Variants in CRYBG3 observed in about 807,000 individuals in gnomAD.
The protein encoded by CRYBG3 is very large A-kinase anchor protein.
Under a neutral mutation model 244.2 loss-of-function variants are expected in CRYBG3, and 127 were observed. The observed-to-expected ratio is 0.52, with a 90% CI of 0.45 to 0.60. The LOEUF is 0.60. Ranked by LOEUF, CRYBG3 falls within the 20% of genes least tolerant of loss-of-function variation. The probability of loss-of-function intolerance (pLI) is 0.00; values close to 1 mark genes in which losing one functional copy is unlikely to be tolerated. For missense variants in CRYBG3, 3,325 were observed against 3,442.5 expected, an observed-to-expected ratio of 0.97 and a Z score of 0.85; for synonymous variants, 1,132 against 1,195.8, an observed-to-expected ratio of 0.95 and a Z score of 1.10.
rs1466861926 is a variant in CRYBG3 at position 97,875,657 on chromosome 3, C to T, written c.4463C>T (p.Ala1488Val). ...WPPLVNDDIHAPGTSKSSLSD... is the reference protein window; with the variant it reads ...WPPLVNDDIHVPGTSKSSLSD... ...CCACTTGTGAATGATGACATCCATG[C>T]ACCTGGTACATCTAAAAGCAGTTTG... is the stretch of plus-strand genomic sequence containing the variant. Residue 1488 changes from alanine (A) to valine (V), a missense_variant, in exon 4 of 22, where the codon GCA (alanine) becomes GTA (valine). Physicochemically the swap from Ala to Val is moderately conservative, Grantham distance 64. Transcript: ENST00000389622. 2.4e-6 allele frequency: 3 copies of T among 1,233,800 alleles called. No individual in the cohort carries two copies. Among genetic ancestry groups the T allele is most frequent in the African/African-American group, 1.6e-5 (1 of 64,396 alleles). 76.4% of individuals were successfully genotyped at this position (1,233,800 alleles called of 1,614,324 possible). A position where few individuals can be genotyped will look rare whatever the true frequency, so the allele number is the denominator to read the frequency against.
chr3:97,878,426 AAAG>A (rs1260771543), intron 4 of CRYBG3, among the ~76,000 whole-genome samples: 2 of 152,182 alleles, frequency 1.3e-5, no homozygotes, highest in Non-Finnish European at 2.9e-5. Flanking sequence ...ACAAAGCAAA[AAAG>A]AAAATGTTTT....
At chr3:97,922,633 G>A (rs1353793328) in intron 17 of CRYBG3, among the ~76,000 whole-genome samples, 5 of 152,038 alleles carry the variant, frequency 3.3e-5, no homozygotes, top group African/African-American at 7.2e-5. Flanking sequence ...CAAAACCACA[G>A]TGAGATACCA....
chr3:97,921,252 T>C (rs1462055505), intron 17 of CRYBG3, among the ~76,000 whole-genome samples: 1 of 152,202 alleles, frequency 6.6e-6, no homozygotes, highest in Non-Finnish European at 1.5e-5. Flanking sequence ...GTGACTTTTG[T>C]CTGCCTTAAT....
intron 1 of CRYBG3, among the ~76,000 whole-genome samples, chr3:97,825,639 C>A (rs563122979): frequency 1.3e-5 from 2 of 152,300 alleles, no homozygotes; most frequent in South Asian, 2.1e-4. Context: ...TGATTACACA[C>A]ACTAATTGCC....
In CRYBG3 at chr3:97,864,545, C is replaced by T; in HGVS notation, c.545C>T (p.Thr182Ile). ...EIFSGSLRTQ[T>I]HPTEEQDSNS... ...TTCAGTGGCTCCCTAAGAACCCAGA[C>T]ACATCCAACAGAAGAACAAGACTCT... is the stretch of plus-strand genomic sequence containing the variant. Residue 182 changes from threonine (T) to isoleucine (I), a missense_variant, in exon 3 of 22, where the codon ACA becomes ATA. By Grantham distance (89) the Thr-to-Ile change is moderately conservative (BLOSUM62 -1). Coordinates refer to ENST00000389622, the MANE Select transcript of CRYBG3 (RefSeq NM_153605.4). 1 of 1,535,840 alleles carries T rather than the reference C, an allele frequency of 6.5e-7. No homozygotes were observed. The highest frequency in any genetic ancestry group is 8.7e-7 in the Non-Finnish European group (1 of 1,146,732).
intron 2 of CRYBG3, among the ~76,000 whole-genome samples, chr3:97,856,990 T>A (rs1220969594): frequency 6.6e-6 from 1 of 152,156 alleles, no homozygotes; most frequent in Non-Finnish European, 1.5e-5. Flanking sequence ...TTAGGTTGTT[T>A]ATTTGAAATA....
At chr3:97,893,117 G>A in intron 11 of CRYBG3, 124 bp downstream of exon 11, 1 of 828,188 alleles carries the variant, frequency 1.2e-6, no homozygotes, top group Non-Finnish European at 1.9e-6. Flanking sequence ...TCTGTAATAT[G>A]GAAAGTAAAA....
chr3:97,838,251 G>A (rs1472405366), intron 1 of CRYBG3, among the ~76,000 whole-genome samples: 1 of 152,118 alleles, frequency 6.6e-6, no homozygotes, highest in Non-Finnish European at 1.5e-5. Context: ...AATGGGTAGT[G>A]TTTTCTAAAT....
At chr3:97,942,838 A>G (rs973596774) in intron 21 of CRYBG3, 2 of 214,668 alleles carry the variant, frequency 9.3e-6, no homozygotes, top group East Asian at 1.3e-4. Context: ...TTGTTTTTGA[A>G]TTCAGCAAGG....
chr3:97,932,193 G>A (rs921671910), intron 17 of CRYBG3, among the ~76,000 whole-genome samples: 1 of 151,910 alleles, frequency 6.6e-6, no homozygotes, highest in Non-Finnish European at 1.5e-5. Flanking sequence ...GTGTGTACAA[G>A]CGCATACATA....
chr3:97,871,107 A>G (rs1461739393), intron 3 of CRYBG3, among the ~76,000 whole-genome samples: 1 of 152,184 alleles, frequency 6.6e-6, no homozygotes, highest in Non-Finnish European at 1.5e-5. Context: ...TCGTAGTGGT[A>G]GATTCTCCAA....
rs772995423 is a variant in CRYBG3, at chr3:97,871,892, G to A, written c.698G>A (p.Arg233Gln). The change falls in exon 4 of 22, where the codon CGA becomes CAA. Residue 233 changes from arginine to glutamine, a missense_variant. Arg to Gln is a conservative substitution (Grantham distance 43). This residue lies in a region of CRYBG3 where 1,526 missense variants were observed against 1,443.2 expected (regional missense o/e 1.06). Transcript: ENST00000389622. ...EKPSVTYATY[R>Q]GPRHIGKYLK... ...CCTTCAGTAACATATGCAACATATCGAGGCCCAAGACACATTGGGAAATAT... is the reference window on the plus strand; with the variant it reads ...CCTTCAGTAACATATGCAACATATCAAGGCCCAAGACACATTGGGAAATAT... The A allele has an allele frequency of 5.4e-5, 83 of 1,530,258 alleles. No individual in the cohort carries two copies. Among genetic ancestry groups the A allele is most frequent in the Middle Eastern group, 5.0e-4 (3 of 5,942 alleles). The allele number at this position is 1,530,258 out of a possible 1,614,324, so 94.8% of individuals were successfully genotyped here.
rs1474724102 is a variant in CRYBG3 at position 97,944,226 on chromosome 3, A to G, written c.*912A>G. ...AACGTGGAGTTGATTTCTCTACTAAATAACAGAAACCTCAGTTTTTCACTC... is the reference window on the plus strand; with the variant it reads ...AACGTGGAGTTGATTTCTCTACTAAGTAACAGAAACCTCAGTTTTTCACTC... On this transcript the variant is annotated 3_prime_UTR_variant, in exon 22 of 22. Transcript: ENST00000389622. The G allele has an allele frequency of 6.6e-6, 1 of 151,844 alleles. No homozygotes were observed. Among genetic ancestry groups the G allele is most frequent in the African/African-American group, 2.4e-5 (1 of 41,390 alleles). 9.4% of individuals were successfully genotyped at this position (151,844 alleles called of 1,614,324 possible).
intron 7 of CRYBG3, among the ~76,000 whole-genome samples, chr3:97,881,530 A>G (rs2039446708): frequency 6.6e-6 from 1 of 151,384 alleles, no homozygotes; most frequent in South Asian, 2.1e-4. Context: ...ATCCTGGCCA[A>G]CATGGTGAAA....
chr3:97,856,005 G>T (rs2039058253), intron 2 of CRYBG3, among the ~76,000 whole-genome samples: 1 of 152,066 alleles, frequency 6.6e-6, no homozygotes, highest in African/African-American at 2.4e-5. Flanking sequence ...TTATTAGGCG[G>T]GAATTTCCTC....
intron 19 of CRYBG3, among the ~76,000 whole-genome samples, chr3:97,938,009 T>C (rs889928363): frequency 2.6e-5 from 4 of 151,992 alleles, no homozygotes; most frequent in African/African-American, 7.2e-5. Context: ...TCAACATGTG[T>C]AGGAGTAGTG....
intron 19 of CRYBG3, among the ~76,000 whole-genome samples, chr3:97,939,695 AT>A (rs2040204030): frequency 6.6e-6 from 1 of 152,068 alleles, no homozygotes; most frequent in African/African-American, 2.4e-5. Flanking sequence ...TGTAATAAAG[AT>A]ATACTGAAGC....
At chr3:97,859,405 G>A (rs1274321110) in intron 2 of CRYBG3, among the ~76,000 whole-genome samples, 7 of 152,154 alleles carry the variant, frequency 4.6e-5, no homozygotes, top group Non-Finnish European at 1.0e-4. Flanking sequence ...CATGCTACGG[G>A]CTGCTTAAGG....
rs752329657 is a variant in CRYBG3 at position 97,933,737 on chromosome 3, G to T, written c.8285G>T (p.Cys2762Phe). The change falls in exon 18 of 22, where the codon TGT becomes TTT. Residue 2762 changes from cysteine (C) to phenylalanine (F), a missense_variant. By Grantham distance (205) the Cys-to-Phe change is radical. Coordinates refer to ENST00000389622, the MANE Select transcript of CRYBG3 (RefSeq NM_153605.4). ...PSISLFALEH[C>F]EGRELHLEEA... ...ATCAGCCTTTTTGCTCTGGAGCATTGTGAGGGAAGAGAGTTACATCTAGAA... is the reference window on the plus strand; with the variant it reads ...ATCAGCCTTTTTGCTCTGGAGCATTTTGAGGGAAGAGAGTTACATCTAGAA... The T allele has an allele frequency of 3.1e-6, 5 of 1,613,070 alleles. No individual in the cohort carries two copies. The highest frequency in any genetic ancestry group is 4.2e-6 in the Non-Finnish European group (5 of 1,179,342).
Sources: allele counts gnomAD v4.1 joint callset (sites outside exome capture counted in the v4.1 genomes callset), GRCh38; gene constraint gnomAD v4.1.1; regional missense constraint gnomAD v4.1.1; transcripts MANE v1.5; gene names NCBI Gene and HGNC (gene_info 2026-07-23, HGNC 2026-07-21).